Variants in NRXN3 observed in about 807,000 individuals in gnomAD.
NRXN3 encodes the protein neurexin 3.
NRXN3 carries 32 observed loss-of-function variants against 137.6 expected under a neutral mutation model. The ratio of observed to expected loss-of-function variants is 0.23; its 90% confidence interval spans 0.18 to 0.31. The LOEUF is 0.31. Among genes scored for constraint, NRXN3 ranks in the 10% least tolerant of loss-of-function variants. NRXN3 has a pLI of 1.00. For missense variants in NRXN3, 1,574 were observed against 2,062.5 expected, an observed-to-expected ratio of 0.76 and a Z score of 4.59; for synonymous variants, 798 against 784.5, an observed-to-expected ratio of 1.02 and a Z score of -0.29.
intron 4 of NRXN3, among the ~76,000 whole-genome samples, chr14:78,391,336 G>A (rs923571559): frequency 2.0e-5 from 3 of 152,122 alleles, no homozygotes; most frequent in Admixed American, 2.0e-4. Flanking sequence ...AATTCTTCAA[G>A]TGTGAAGGTG....
chr14:78,545,681 A>G (rs1383417701), intron 4 of NRXN3, among the ~76,000 whole-genome samples: 1 of 152,246 alleles, frequency 6.6e-6, no homozygotes, highest in East Asian at 1.9e-4. Flanking sequence ...TACTTTAAAT[A>G]ATAATGAAGC....
chr14:79,512,824 A>G (rs979929953), intron 16 of NRXN3, among the ~76,000 whole-genome samples: 23 of 152,190 alleles, frequency 1.5e-4, no homozygotes, highest in Non-Finnish European at 3.1e-4. Flanking sequence ...AAGCTCCCAC[A>G]AATCAGCAAT....
chr14:78,201,106 C>A (rs1189627223), intron 1 of NRXN3, among the ~76,000 whole-genome samples: 1 of 152,186 alleles, frequency 6.6e-6, no homozygotes, highest in East Asian at 1.9e-4. Context: ...GTTGACACTG[C>A]CATATTTTCA....
intron 16 of NRXN3, among the ~76,000 whole-genome samples, chr14:79,547,163 G>A (rs1162948905): frequency 1.3e-5 from 2 of 152,068 alleles, no homozygotes; most frequent in Non-Finnish European, 2.9e-5. Flanking sequence ...CTGGAGCCAT[G>A]AGAAATTAAA....
chr14:78,408,457 T>C (rs2092631747), intron 4 of NRXN3, among the ~76,000 whole-genome samples: 1 of 152,230 alleles, frequency 6.6e-6, no homozygotes, highest in Non-Finnish European at 1.5e-5. Flanking sequence ...ATTTATCACA[T>C]GAAAATGCTT....
At chr14:78,831,214 A>G (rs1034785497) in intron 10 of NRXN3, among the ~76,000 whole-genome samples, 1 of 152,142 alleles carries the variant, frequency 6.6e-6, no homozygotes, top group Non-Finnish European at 1.5e-5. Context: ...TTTCCAAATT[A>G]TAGCATGCAG....
At chr14:79,025,658 T>C (rs770453436) in intron 15 of NRXN3, among the ~76,000 whole-genome samples, 2 of 152,204 alleles carry the variant, frequency 1.3e-5, no homozygotes, top group Non-Finnish European at 1.5e-5. Flanking sequence ...GTCCTTTTTA[T>C]ATAGTCTTTC....
intron 15 of NRXN3, among the ~76,000 whole-genome samples, chr14:79,145,946 G>A (rs1265902841): frequency 1.3e-5 from 2 of 152,090 alleles, no homozygotes; most frequent in Non-Finnish European, 2.9e-5. Context: ...AGAAATTGAG[G>A]CACAGAGGTG....
rs1229083863 is a variant in NRXN3, at chr14:79,862,715, GTTGT to G, written c.*758_*761del. The stretch of plus-strand genomic sequence containing the variant: ...TCAGGTTATGGTGTCTCTAGAATCT[GTTGT>G]TTGTTTCCTATAAGATGCTTTGCTG... On this transcript the variant is annotated 3_prime_UTR_variant, in exon 21 of 21. Coordinates refer to ENST00000335750, the MANE Select transcript of NRXN3 (RefSeq NM_001330195.2). 3 of 152,602 alleles carry G rather than the reference GTTGT, an allele frequency of 2.0e-5. No individual in the cohort carries two copies. Among genetic ancestry groups the G allele is most frequent in the Non-Finnish European group, 4.4e-5 (3 of 68,030 alleles). The allele number at this position is 152,602 out of a possible 1,614,324, so 9.5% of individuals were successfully genotyped here. A position where few individuals can be genotyped will look rare whatever the true frequency, so the allele number is the denominator to read the frequency against.
chr14:79,607,220 G>A (rs978678927), intron 16 of NRXN3, among the ~76,000 whole-genome samples: 4 of 152,188 alleles, frequency 2.6e-5, no homozygotes, highest in African/African-American at 9.7e-5. Flanking sequence ...TTGCAGATTT[G>A]TAATTTTCTA....
intron 16 of NRXN3, among the ~76,000 whole-genome samples, chr14:79,576,905 C>T (rs1309832863): frequency 6.6e-6 from 1 of 151,980 alleles, no homozygotes; most frequent in Non-Finnish European, 1.5e-5. Flanking sequence ...TTTCTAAATT[C>T]CTTCTGTTAT....
intron 15 of NRXN3, chr14:79,279,779 G>A: frequency 1.0e-6 from 1 of 990,700 alleles, no homozygotes; most frequent in Non-Finnish European, 1.2e-6. Context: ...TGGCAGTTCT[G>A]CATTGCATCT....
At chr14:79,163,795 G>A (rs545639929) in intron 15 of NRXN3, among the ~76,000 whole-genome samples, 1 of 151,996 alleles carries the variant, frequency 6.6e-6, no homozygotes, top group South Asian at 2.1e-4. Context: ...TCAATGAACT[G>A]CAAAAGGTGG....
chr14:79,698,168 A>G (rs1012342008), intron 19 of NRXN3, among the ~76,000 whole-genome samples: 8 of 152,016 alleles, frequency 5.3e-5, no homozygotes, highest in Non-Finnish European at 4.4e-5. Flanking sequence ...TATCACTGAA[A>G]TGGTAAAGCT....
intron 15 of NRXN3, among the ~76,000 whole-genome samples, chr14:79,284,555 T>G (rs887333674): frequency 6.6e-6 from 1 of 151,716 alleles, no homozygotes; most frequent in Non-Finnish European, 1.5e-5. Context: ...GACATGGAAC[T>G]CTTGGAAAGC....
intron 4 of NRXN3, among the ~76,000 whole-genome samples, chr14:78,386,458 C>T (rs902029612): frequency 1.3e-5 from 2 of 152,044 alleles, no homozygotes; most frequent in Non-Finnish European, 2.9e-5. Context: ...GGAAGAGTGT[C>T]GCTTATAGCA....
chr14:79,544,227 T>C (rs1454016379), intron 16 of NRXN3, among the ~76,000 whole-genome samples: 1 of 152,228 alleles, frequency 6.6e-6, no homozygotes, highest in Non-Finnish European at 1.5e-5. Flanking sequence ...GTCTGAGTCA[T>C]TGAACAAGCG....
intron 16 of NRXN3, among the ~76,000 whole-genome samples, chr14:79,550,707 A>G (rs1473077617): frequency 6.6e-6 from 1 of 152,122 alleles, no homozygotes; most frequent in Admixed American, 6.6e-5. Context: ...GCAGGAGTGT[A>G]TGAGATTGAA....
Position 79,762,949 on chromosome 14 carries a change from A to T in NRXN3, c.4015-42163A>T, listed in dbSNP as rs983957704. Among the ~76,000 whole-genome samples, 3 of 151,584 alleles carry T rather than the reference A, an allele frequency of 2.0e-5. 1 individual carries two copies. Among genetic ancestry groups the T allele is most frequent in the African/African-American group, 7.3e-5 (3 of 40,882 alleles). On this transcript the variant is annotated intron_variant, in intron 19 of 20. Coordinates refer to ENST00000335750, the MANE Select transcript of NRXN3 (RefSeq NM_001330195.2). ...TTTGTTACATAGGTATACACGTGCC[A>T]TGGTAGTTTGCTGCACTCACCAACC...
Sources: gnomAD v4.1 joint callset for allele counts (sites outside exome capture counted in the v4.1 genomes callset) on GRCh38, gnomAD v4.1.1 for gene constraint, MANE v1.5 for transcripts, NCBI Gene and HGNC (gene_info 2026-07-23, HGNC 2026-07-21) for gene names.